IRAK4: variants seen among roughly 807,000 people sequenced by gnomAD.
IRAK4 encodes the protein interleukin 1 receptor associated kinase 4.
A neutral mutation model predicts 51.8 loss-of-function variants in IRAK4; 44 were observed. The ratio of observed to expected loss-of-function variants is 0.85; its 90% CI spans 0.67 to 1.09. The LOEUF (loss-of-function observed/expected upper bound fraction) is 1.09. Among genes scored for constraint, IRAK4 ranks in the 50% least tolerant of loss-of-function variants. The pLI is 0.00. For synonymous variants in IRAK4, 149 were observed against 174.1 expected, an observed-to-expected ratio of 0.86 and a Z score of 1.13; for missense variants, 487 against 538.0, an observed-to-expected ratio of 0.91 and a Z score of 0.94.
chr12:43,775,874 C>CTTTTTTTTTTTTTTT lies in IRAK4; in HGVS notation c.717-1745_717-1731dup, dbSNP rs770553873. Among the ~76,000 whole-genome samples the CTTTTTTTTTTTTTTT allele has an allele frequency of 3.9e-4, 35 of 90,540 alleles. 3 individuals are homozygous for CTTTTTTTTTTTTTTT. The highest frequency in any genetic ancestry group is 1.3e-3 in the African/African-American group (26 of 19,920). 59.4% of individuals were successfully genotyped at this position (90,540 alleles called of 152,430 possible). The stretch of plus-strand genomic sequence containing the variant: ...TCCTTACCTTCATTTAATATCATTA[C>CTTTTTTTTTTTTTTT]TTTTTTTTTTTTTTTTTTTTTTTTT... On this transcript the variant is annotated intron_variant, in intron 6 of 11. Coordinates refer to ENST00000613694, the MANE Select transcript of IRAK4 (RefSeq NM_016123.4).
chr12:43,777,537 TC>T lies in IRAK4; in HGVS notation c.717-92del, dbSNP rs1303393765. Reference sequence around the variant, plus strand: ...AATATATAACATACTATTTTTTTGCTCTTTTTTTCTATTAAAACTTTGAATA... The same window carrying T: ...AATATATAACATACTATTTTTTTGCTTTTTTTTCTATTAAAACTTTGAATA... On this transcript the variant is annotated intron_variant, in intron 6 of 11. Transcript: ENST00000613694. 8.7e-6 allele frequency: 10 copies of T among 1,153,458 alleles called. No individual in the cohort carries two copies. In the East Asian group the frequency reaches 2.4e-4, roughly 28 times the overall value. The allele number at this position is 1,153,458 out of a possible 1,614,324, so 71.5% of individuals were successfully genotyped here. A position where few individuals can be genotyped will look rare whatever the true frequency, so the allele number is the denominator to read the frequency against.
intron 10 of IRAK4, among the ~76,000 whole-genome samples, chr12:43,784,157 A>G (rs966316861): frequency 6.6e-6 from 1 of 152,182 alleles, no homozygotes; most frequent in African/African-American, 2.4e-5. Context: ...GGGGTATTTT[A>G]TTTACAAAGT....
chr12:43,783,842 A>G, intron 10 of IRAK4, 118 bp downstream of exon 10: 4 of 708,506 alleles, frequency 5.6e-6, no homozygotes, highest in African/African-American at 1.8e-5. Context: ...TCCATTGGCT[A>G]TTACACGACA....
Position 43,786,475 on chromosome 12 carries a change from A to T in IRAK4, c.1265A>T (p.Asp422Val). 6.2e-7 allele frequency: 1 copy of T among 1,612,544 alleles called. No homozygotes were observed. The highest frequency in any genetic ancestry group is 8.5e-7 in the Non-Finnish European group (1 of 1,179,476). The change falls in exon 11 of 12, where the codon GAT becomes GTT. Residue 422 changes from aspartate (D) to valine (V), a missense_variant. Asp to Val is a radical substitution (Grantham distance 152). Transcript: ENST00000613694. ...DYIDKKMNDA[D>V]STSVEAMYSV... ...ATTGATAAAAAGATGAATGATGCTG[A>T]TTCCACTTCAGTTGAAGCTATGTAC...
At chr12:43,767,093 T>C (rs1458315124) in intron 1 of IRAK4, among the ~76,000 whole-genome samples, 1 of 152,154 alleles carries the variant, frequency 6.6e-6, no homozygotes, top group Non-Finnish European at 1.5e-5. Flanking sequence ...TATGAACACA[T>C]TATTTACTCT....
At chr12:43,765,116 A>G (rs1015563810) in intron 1 of IRAK4, among the ~76,000 whole-genome samples, 3 of 152,166 alleles carry the variant, frequency 2.0e-5, no homozygotes, top group Admixed American at 6.5e-5. Flanking sequence ...TAAAGTTTCC[A>G]TTGAAAGCTC....
rs780005506 is a variant in IRAK4, at chr12:43,778,194, A to T, written c.833A>T (p.Asp278Val). ...GSLLDRLSCL[D>V]GTPPLSWHMR... ...TAATTTGGTTTATTTCTTTATAAGGATGGTACTCCACCACTTTCTTGGCAC... is the reference window on the plus strand; with the variant it reads ...TAATTTGGTTTATTTCTTTATAAGGTTGGTACTCCACCACTTTCTTGGCAC... Residue 278 changes from aspartate to valine, a missense_variant and splice_region_variant, in exon 8 of 12, where the codon GAT becomes GTT. Physicochemically the swap from Asp to Val is radical, Grantham distance 152. Transcript: ENST00000613694. 1.9e-5 allele frequency: 30 copies of T among 1,562,346 alleles called. 1 individual carries two copies. Among genetic ancestry groups the T allele is most frequent in the South Asian group, 1.9e-4 (17 of 90,004 alleles).
At position 43,787,073 on chromosome 12, in the gene IRAK4, A is replaced by T; in HGVS notation, c.*358A>T. The stretch of plus-strand genomic sequence containing the variant: ...TGACTCCACTACTAATTTGCTGTAA[A>T]GCTTTGGACATACACTTAGCTGCTG... On this transcript the variant is annotated 3_prime_UTR_variant, in exon 12 of 12. Coordinates refer to ENST00000613694, the MANE Select transcript of IRAK4 (RefSeq NM_016123.4). 4.1e-6 allele frequency: 1 copy of T among 243,714 alleles called. No homozygotes were observed. The highest frequency in any genetic ancestry group is 7.9e-6 in the Non-Finnish European group (1 of 125,972). 15.1% of individuals were successfully genotyped at this position (243,714 alleles called of 1,614,324 possible). A position where few individuals can be genotyped will look rare whatever the true frequency, so the allele number is the denominator to read the frequency against.
At chr12:43,760,086 G>A (rs566548469) in intron 1 of IRAK4, among the ~76,000 whole-genome samples, 7 of 152,268 alleles carry the variant, frequency 4.6e-5, no homozygotes, top group African/African-American at 1.4e-4. Flanking sequence ...CCTGCAGAGC[G>A]TTCATTTGAA....
intron 2 of IRAK4, among the ~76,000 whole-genome samples, chr12:43,769,875 A>G (rs1185508539): frequency 1.3e-5 from 2 of 152,180 alleles, no homozygotes; most frequent in African/African-American, 4.8e-5. Flanking sequence ...TCTGAATTTA[A>G]TCATGAGAAA....
intron 1 of IRAK4, among the ~76,000 whole-genome samples, chr12:43,767,341 A>T (rs1312453043): frequency 6.6e-6 from 1 of 152,266 alleles, no homozygotes; most frequent in Non-Finnish European, 1.5e-5. Flanking sequence ...GGGGGTTACC[A>T]TAAATTTGTA....
chr12:43,777,554 A>G lies in IRAK4; in HGVS notation c.717-76A>G, dbSNP rs965793651. On this transcript the variant is annotated intron_variant, in intron 6 of 11. Transcript: ENST00000613694. Reference sequence around the variant, plus strand: ...TTTTTTGCTCTTTTTTTCTATTAAAACTTTGAATAACTTCCAACCTATAGC... The same window carrying G: ...TTTTTTGCTCTTTTTTTCTATTAAAGCTTTGAATAACTTCCAACCTATAGC... 7 of 1,361,094 alleles carry G rather than the reference A, an allele frequency of 5.1e-6. No homozygotes were observed. In the African/African-American group the frequency reaches 7.4e-5, roughly 14 times the overall value. The allele number at this position is 1,361,094 out of a possible 1,614,324, so 84.3% of individuals were successfully genotyped here.
rs1408986015 is a variant in IRAK4 at position 43,788,828 on chromosome 12, T to G, written c.*2113T>G. 2.6e-5 allele frequency: 4 copies of G among 152,204 alleles called. No homozygotes were observed. Among genetic ancestry groups the G allele is most frequent in the Non-Finnish European group, 5.9e-5 (4 of 68,066 alleles). The allele number at this position is 152,204 out of a possible 1,614,324, so 9.4% of individuals were successfully genotyped here. On this transcript the variant is annotated 3_prime_UTR_variant, in exon 12 of 12. Transcript: ENST00000613694. ...GTGCCAGTATTTAAAGTTTAATGTCTTCCCAGCTGGGTTTCAGACTTGCCA... is the reference window on the plus strand; with the variant it reads ...GTGCCAGTATTTAAAGTTTAATGTCGTCCCAGCTGGGTTTCAGACTTGCCA...
chr12:43,785,481 T>C (rs1942127313), intron 10 of IRAK4, among the ~76,000 whole-genome samples: 1 of 152,070 alleles, frequency 6.6e-6, no homozygotes, highest in Admixed American at 6.6e-5. Flanking sequence ...CAGACCACCC[T>C]GTGCTGCCCA....
At chr12:43,776,428 T>G (rs149229346) in intron 6 of IRAK4, among the ~76,000 whole-genome samples, 205 of 152,356 alleles carry the variant, frequency 1.3e-3, no homozygotes, top group African/African-American at 4.7e-3. Context: ...ACTTACTGTT[T>G]TAATTTGCAC....
chr12:43,788,634 G>A lies in IRAK4; in HGVS notation c.*1919G>A, dbSNP rs1942365471. ...GGCTCACTGCAAGCTCTGCCTCCCA[G>A]GTTCACGCCATTCCCCTGCCTCAGC... is the stretch of plus-strand genomic sequence containing the variant. On this transcript the variant is annotated 3_prime_UTR_variant, in exon 12 of 12. Transcript: ENST00000613694. 6.7e-6 allele frequency: 1 copy of A among 150,134 alleles called. No homozygotes were observed. Among genetic ancestry groups the A allele is most frequent in the Admixed American group, 6.7e-5 (1 of 14,928 alleles). The allele number at this position is 150,134 out of a possible 1,614,324, so 9.3% of individuals were successfully genotyped here. A position where few individuals can be genotyped will look rare whatever the true frequency, so the allele number is the denominator to read the frequency against.
chr12:43,784,282 A>G (rs1237020513), intron 10 of IRAK4, among the ~76,000 whole-genome samples: 5 of 152,184 alleles, frequency 3.3e-5, no homozygotes, highest in Admixed American at 1.3e-4. Context: ...ACCAAATGCG[A>G]CTGGGAAGGG....
At chr12:43,765,700 C>T (rs1940064299) in intron 1 of IRAK4, among the ~76,000 whole-genome samples, 1 of 151,714 alleles carries the variant, frequency 6.6e-6, no homozygotes, top group Non-Finnish European at 1.5e-5. Context: ...TCTTTGAAAA[C>T]CCCTTATATA....
intron 1 of IRAK4, among the ~76,000 whole-genome samples, chr12:43,766,679 G>C (rs1592217789): frequency 1.3e-5 from 2 of 152,198 alleles, no homozygotes; most frequent in Non-Finnish European, 2.9e-5. Flanking sequence ...TTTGGAGTCA[G>C]ACATAATTGT....
Sources: gnomAD v4.1 joint callset for allele counts (sites outside exome capture counted in the v4.1 genomes callset) on GRCh38, gnomAD v4.1.1 for gene constraint, MANE v1.5 for transcripts, NCBI Gene and HGNC (gene_info 2026-07-23, HGNC 2026-07-21) for gene names.